Variants in AUTS2 observed in about 807,000 individuals in gnomAD.
The protein encoded by AUTS2 is activator of transcription and developmental regulator AUTS2.
A neutral mutation model predicts 112.4 loss-of-function variants in AUTS2; 17 were observed. The observed-to-expected ratio is 0.15, with a 90% CI of 0.10 to 0.23. AUTS2 has a LOEUF of 0.23. AUTS2 is among the 10% of genes least tolerant of loss of function. The pLI, the probability that AUTS2 is intolerant of heterozygous loss-of-function variation, is 1.00. For missense variants in AUTS2, 1,510 were observed against 1,701.6 expected, an observed-to-expected ratio of 0.89 and a Z score of 1.98; for synonymous variants, 751 against 702.7, an observed-to-expected ratio of 1.07 and a Z score of -1.09.
At chr7:69,880,412 A>C (rs1456467579) in intron 1 of AUTS2, among the ~76,000 whole-genome samples, 3 of 152,188 alleles carry the variant, frequency 2.0e-5, no homozygotes, top group African/African-American at 7.2e-5. Flanking sequence ...TGTGGTGGGC[A>C]TGTGATTTTG....
rs967968951 is a variant in AUTS2 at position 69,927,205 on chromosome 7, T to TATATATAC, written c.522+27708_522+27709insTATATACA. Among the ~76,000 whole-genome samples the TATATATAC allele has an allele frequency of 5.4e-5, 8 of 147,460 alleles. No individual in the cohort carries two copies. The East Asian group carries it at 1.2e-3, about 22-fold the overall frequency. ...ATATATTTATATATATATATATATA[T>TATATATAC]ACATACTATATATATCTTTAATTTA... On this transcript the variant is annotated intron_variant, in intron 2 of 18. Transcript: ENST00000342771.
chr7:70,131,766 G>A (rs1806284290), intron 3 of AUTS2, among the ~76,000 whole-genome samples: 1 of 151,908 alleles, frequency 6.6e-6, no homozygotes, highest in African/African-American at 2.4e-5. Flanking sequence ...TTTTGGATGC[G>A]AGACCTCAGG....
At chr7:70,759,095 C>T (rs1490684136) in intron 6 of AUTS2, among the ~76,000 whole-genome samples, 1 of 152,174 alleles carries the variant, frequency 6.6e-6, no homozygotes, top group Admixed American at 6.5e-5. Context: ...CTTTACTAAC[C>T]CTCTACACTT....
chr7:70,655,928 T>C (rs761613526), intron 5 of AUTS2, among the ~76,000 whole-genome samples: 10 of 152,174 alleles, frequency 6.6e-5, no homozygotes, highest in Non-Finnish European at 1.2e-4. Flanking sequence ...TTTTTTCTGT[T>C]TGTTGATCAT....
intron 1 of AUTS2, among the ~76,000 whole-genome samples, chr7:69,848,923 A>G (rs1458238996): frequency 1.3e-5 from 2 of 152,132 alleles, no homozygotes; most frequent in African/African-American, 4.8e-5. Flanking sequence ...TAATCTTCAG[A>G]AGACAAGACA....
At chr7:70,155,012 G>A (rs1807665718) in intron 4 of AUTS2, among the ~76,000 whole-genome samples, 1 of 152,164 alleles carries the variant, frequency 6.6e-6, no homozygotes, top group Non-Finnish European at 1.5e-5. Flanking sequence ...AGCACAGCAA[G>A]CACACTTTCT....
intron 6 of AUTS2, among the ~76,000 whole-genome samples, chr7:70,716,988 GGAGTT>G (rs1338390169): frequency 7.8e-6 from 1 of 128,158 alleles, no homozygotes; most frequent in African/African-American, 3.0e-5. Flanking sequence ...AAATCTCAGT[GGAGTT>G]ATTTTTTTTT....
At chr7:69,674,110 C>G (rs1338504227) in intron 1 of AUTS2, among the ~76,000 whole-genome samples, 2 of 152,284 alleles carry the variant, frequency 1.3e-5, no homozygotes, top group African/African-American at 4.8e-5. Flanking sequence ...GTGTCTGGGA[C>G]AAGCCTCCCA....
intron 6 of AUTS2, among the ~76,000 whole-genome samples, chr7:70,755,054 C>G (rs55780867): frequency 2.0e-5 from 3 of 152,256 alleles, no homozygotes; most frequent in Non-Finnish European, 4.4e-5. Flanking sequence ...AATATTCACC[C>G]TTTCCTTTCT....
intron 2 of AUTS2, among the ~76,000 whole-genome samples, chr7:70,102,716 A>G (rs373968802): frequency 1.3e-5 from 2 of 152,174 alleles, no homozygotes; most frequent in African/African-American, 2.4e-5. Context: ...GATTTTGAGT[A>G]AGAAATAAAA....
chr7:70,072,931 A>G (rs955417186), intron 2 of AUTS2, among the ~76,000 whole-genome samples: 4 of 152,052 alleles, frequency 2.6e-5, no homozygotes, highest in African/African-American at 9.7e-5. Flanking sequence ...TAAAATTTCT[A>G]GTCCTCTAGT....
chr7:70,172,146 G>A (rs963309921), intron 4 of AUTS2, among the ~76,000 whole-genome samples: 2 of 152,046 alleles, frequency 1.3e-5, no homozygotes, highest in Admixed American at 1.3e-4. Context: ...TGACAATATT[G>A]AAAGCTGCAA....
intron 1 of AUTS2, among the ~76,000 whole-genome samples, chr7:69,616,066 T>A (rs1310455302): frequency 1.3e-5 from 2 of 152,234 alleles, no homozygotes; most frequent in Non-Finnish European, 2.9e-5. Context: ...CCTGCAATTG[T>A]GAGAAGGTCC....
intron 4 of AUTS2, among the ~76,000 whole-genome samples, chr7:70,347,925 C>T (rs1449063097): frequency 1.3e-5 from 2 of 152,166 alleles, no homozygotes; most frequent in African/African-American, 4.8e-5. Flanking sequence ...CCTCCTGCTC[C>T]TTTGGGTAGA....
chr7:70,008,362 G>A (rs1003298582), intron 2 of AUTS2, among the ~76,000 whole-genome samples: 4 of 151,816 alleles, frequency 2.6e-5, no homozygotes, highest in African/African-American at 4.8e-5. Flanking sequence ...TTATTGATGG[G>A]TAATACTTTT....
intron 2 of AUTS2, among the ~76,000 whole-genome samples, chr7:69,978,964 T>C (rs1403418752): frequency 1.3e-5 from 2 of 152,040 alleles, no homozygotes; most frequent in Non-Finnish European, 1.5e-5. Context: ...TTTTATTCTA[T>C]ATCTGTCTAT....
intron 5 of AUTS2, among the ~76,000 whole-genome samples, chr7:70,681,584 C>G (rs1808214808): frequency 6.6e-6 from 1 of 151,774 alleles, no homozygotes; most frequent in East Asian, 1.9e-4. Flanking sequence ...TGAAGGATTT[C>G]AGCGGTAGGC....
At chr7:70,262,105 T>G (rs931849233) in intron 4 of AUTS2, among the ~76,000 whole-genome samples, 4 of 152,246 alleles carry the variant, frequency 2.6e-5, no homozygotes, top group Non-Finnish European at 4.4e-5. Flanking sequence ...CTGTAAACTT[T>G]AAAAGCAGGT....
At chr7:70,196,588 T>G (rs1370085887) in intron 4 of AUTS2, among the ~76,000 whole-genome samples, 1 of 152,230 alleles carries the variant, frequency 6.6e-6, no homozygotes, top group Non-Finnish European at 1.5e-5. Flanking sequence ...TAACTCAGAT[T>G]TGATCAGTAA....
Sources: gnomAD v4.1 joint callset for allele counts (sites outside exome capture counted in the v4.1 genomes callset) on GRCh38, gnomAD v4.1.1 for gene constraint, MANE v1.5 for transcripts, NCBI Gene and HGNC (gene_info 2026-07-23, HGNC 2026-07-21) for gene names.